Variants in CCDC3 observed in about 807,000 individuals in gnomAD.
The protein encoded by CCDC3 is coiled-coil domain containing 3.
A neutral mutation model predicts 21.4 loss-of-function variants in CCDC3; 24 were observed. The ratio of observed to expected loss-of-function variants is 1.12; its 90% CI spans 0.81 to 1.58. The LOEUF (loss-of-function observed/expected upper bound fraction) is 1.58, where lower values mean the gene tolerates loss of function less well. Among genes scored for constraint, CCDC3 ranks in the 40% most tolerant of loss-of-function variants. The pLI is 0.00. For missense variants in CCDC3, 425 were observed against 360.9 expected (o/e 1.18, Z -1.44); for synonymous variants, 186 against 166.0 (o/e 1.12, Z -0.93).
At chr10:13,039,911 A>C (rs1422464230) in intron 5 of CCDC3, among the ~76,000 whole-genome samples, 1 of 151,496 alleles carries the variant, frequency 6.6e-6, no homozygotes, top group East Asian at 1.9e-4. Flanking sequence ...CTGCACAGAA[A>C]GGTTTCACAG....
intron 2 of CCDC3, among the ~76,000 whole-genome samples, chr10:12,913,157 T>G (rs4748013): frequency 0.15 from 22,720 of 152,244 alleles, 1,827 homozygotes; most frequent in African/African-American, 0.19. Context: ...GGGGATTGCA[T>G]TGAATCTGTA....
chr10:13,083,866 G>A (rs1837072313), intron 3 of CCDC3, among the ~76,000 whole-genome samples: 1 of 152,218 alleles, frequency 6.6e-6, no homozygotes, highest in Non-Finnish European at 1.5e-5. Context: ...TTATTCAGGT[G>A]TGCTCTTGCC....
chr10:12,931,264 T>C (rs1449894759), intron 2 of CCDC3, among the ~76,000 whole-genome samples: 1 of 147,080 alleles, frequency 6.8e-6, no homozygotes, highest in Non-Finnish European at 1.5e-5. Flanking sequence ...GCCGTATTCA[T>C]AAGACTTTAG....
intron 2 of CCDC3, among the ~76,000 whole-genome samples, chr10:12,926,547 T>A (rs7093784): frequency 0.096 from 14,558 of 152,182 alleles, 734 homozygotes; most frequent in African/African-American, 0.13. Context: ...ATCCTGTTGT[T>A]CTATTGGGCA....
chr10:12,968,356 G>GA (rs1835293219), intron 2 of CCDC3, among the ~76,000 whole-genome samples: 2 of 152,072 alleles, frequency 1.3e-5, no homozygotes, highest in Non-Finnish European at 2.9e-5. Context: ...AGTATTGCAG[G>GA]AAAAAACTTG....
intron 3 of CCDC3, among the ~76,000 whole-genome samples, chr10:13,096,947 T>C (rs1156314534): frequency 6.6e-6 from 1 of 152,196 alleles, no homozygotes; most frequent in Non-Finnish European, 1.5e-5. Context: ...ATCATGGATG[T>C]ATTGAGATCA....
At chr10:12,953,677 C>T (rs1161970804) in intron 2 of CCDC3, among the ~76,000 whole-genome samples, 3 of 152,296 alleles carry the variant, frequency 2.0e-5, no homozygotes, top group East Asian at 1.9e-4. Flanking sequence ...CTCAGCTCTA[C>T]CCTGTGGAGC....
chr10:13,013,927 G>T (rs1664054598), intron 5 of CCDC3, among the ~76,000 whole-genome samples: 1 of 151,916 alleles, frequency 6.6e-6, no homozygotes, highest in African/African-American at 2.4e-5. Context: ...GAGGCAGGGG[G>T]ATCACTTGAG....
chr10:12,995,888 T>G lies in CCDC3; in HGVS notation c.549+2450A>C, dbSNP rs776813066. 2.3e-4 allele frequency among the ~76,000 whole-genome samples: 35 copies of G among 152,196 alleles called. 1 individual carries two copies. Among genetic ancestry groups the G allele is most frequent in the Non-Finnish European group, 4.4e-4 (30 of 68,026 alleles). On this transcript the variant is annotated intron_variant, in intron 2 of 2. Transcript: ENST00000378825. ...CCCATTGTTCTTTGTTTTTCCCAAA[T>G]GATGGAAAAATCTAATTCCAGAAAA...
intron 5 of CCDC3, among the ~76,000 whole-genome samples, chr10:13,025,382 G>A (rs1836201426): frequency 6.6e-6 from 1 of 152,138 alleles, no homozygotes; most frequent in Non-Finnish European, 1.5e-5. Flanking sequence ...AAGTTGCATT[G>A]GCCAAAGCTC....
intron 2 of CCDC3, among the ~76,000 whole-genome samples, chr10:12,933,849 C>T (rs1834692269): frequency 6.6e-6 from 1 of 152,038 alleles, no homozygotes; most frequent in Admixed American, 6.5e-5. Flanking sequence ...GTCTTTTTTC[C>T]TATAATTAAC....
rs553522474 is a variant in CCDC3 at position 13,029,758 on chromosome 10, G to A, written c.-2+19916C>T. ...GGGTATCAGTGATTGAAGATCAAAT[G>A]AATCAAACGAAGCGAGAAGAGAAGT... On this transcript the variant is annotated intron_variant, in intron 5 of 6. Coordinates refer to the CCDC3 transcript ENST00000378839. Among the ~76,000 whole-genome samples, 3 of 152,200 alleles carry A rather than the reference G, an allele frequency of 2.0e-5. No individual in the cohort carries two copies. The South Asian group carries it at 6.2e-4, about 32-fold the overall frequency.
chr10:12,989,102 C>T (rs79939533), intron 2 of CCDC3, among the ~76,000 whole-genome samples: 6,984 of 152,306 alleles, frequency 0.046, 557 homozygotes, highest in African/African-American at 0.16. Context: ...TTACAAAGGT[C>T]TTCATAGCCC....
intron 5 of CCDC3, among the ~76,000 whole-genome samples, chr10:13,015,593 T>C (rs1328014081): frequency 1.3e-5 from 2 of 152,080 alleles, no homozygotes; most frequent in Non-Finnish European, 2.9e-5. Flanking sequence ...AGGGGGTACA[T>C]AGCTGGCAAA....
At chr10:13,021,445 C>G (rs1384794229) in intron 5 of CCDC3, among the ~76,000 whole-genome samples, 1 of 152,192 alleles carries the variant, frequency 6.6e-6, no homozygotes, top group Non-Finnish European at 1.5e-5. Context: ...CTTTTTCCAG[C>G]AACAAATTCT....
chr10:13,011,383 T>C (rs1835982400), intron 5 of CCDC3, among the ~76,000 whole-genome samples: 2 of 152,106 alleles, frequency 1.3e-5, no homozygotes, highest in African/African-American at 4.8e-5. Context: ...AGCACTCCTA[T>C]ACACTAATAG....
intron 3 of CCDC3, among the ~76,000 whole-genome samples, chr10:13,090,031 T>TTAGATAGATAGATAGATAGA (rs1314262953): frequency 0.025 from 197 of 7,818 alleles, 1 homozygote; most frequent in African/African-American, 0.029. Context: ...TAGTATTCCG[T>TTAGATAGATAGATAGATAGA]TAGATATATA....
At chr10:13,072,150 C>G (rs1836890858) in intron 4 of CCDC3, among the ~76,000 whole-genome samples, 1 of 152,132 alleles carries the variant, frequency 6.6e-6, no homozygotes, top group African/African-American at 2.4e-5. Context: ...CTCCTTGTTT[C>G]GTTTTGATAT....
chr10:13,035,346 T>C (rs1477763294), intron 5 of CCDC3, among the ~76,000 whole-genome samples: 1 of 152,180 alleles, frequency 6.6e-6, no homozygotes, highest in Non-Finnish European at 1.5e-5. Context: ...GCTCAGCAGT[T>C]ACACATTAGA....
Sources: gnomAD v4.1 joint callset for allele counts (sites outside exome capture counted in the v4.1 genomes callset) on GRCh38, gnomAD v4.1.1 for gene constraint, MANE v1.5 for transcripts, NCBI Gene and HGNC (gene_info 2026-07-23, HGNC 2026-07-21) for gene names.